PHACTR1: variants seen among roughly 807,000 people sequenced by gnomAD.
PHACTR1 encodes the protein phosphatase and actin regulator 1.
Under a neutral mutation model 69.2 loss-of-function variants are expected in PHACTR1, and 16 were observed. The ratio of observed to expected loss-of-function variants is 0.23; its 90% CI spans 0.16 to 0.35. The LOEUF (loss-of-function observed/expected upper bound fraction) is 0.35, where lower values mean the gene tolerates loss of function less well. PHACTR1 is among the 10% of genes least tolerant of loss of function. The pLI is 1.00. For missense variants in PHACTR1, 510 were observed against 734.7 expected, an observed-to-expected ratio of 0.69 and a Z score of 3.54; for synonymous variants, 312 against 284.5, an observed-to-expected ratio of 1.10 and a Z score of -0.97.
At chr6:12,839,430 A>G (rs1778476229) in intron 4 of PHACTR1, among the ~76,000 whole-genome samples, 1 of 152,040 alleles carries the variant, frequency 6.6e-6, no homozygotes. Context: ...CCTCCACCCC[A>G]CAGCGAGTCC....
At chr6:13,181,733 G>A (rs1294969075) in intron 6 of PHACTR1, among the ~76,000 whole-genome samples, 4 of 152,066 alleles carry the variant, frequency 2.6e-5, no homozygotes, top group Admixed American at 6.6e-5. Flanking sequence ...TGTCCTAATA[G>A]TTTATCCAAG....
intron 7 of PHACTR1, among the ~76,000 whole-genome samples, chr6:13,195,003 A>T (rs554481668): frequency 3.9e-5 from 6 of 152,082 alleles, no homozygotes; most frequent in Admixed American, 1.3e-4. Flanking sequence ...CAAAAATAAC[A>T]TTTTTTTCAT....
chr6:12,997,253 A>C (rs1221456608), intron 4 of PHACTR1, among the ~76,000 whole-genome samples: 1 of 148,058 alleles, frequency 6.8e-6, no homozygotes, highest in Non-Finnish European at 1.5e-5. Context: ...TTTATATATA[A>C]GTAAATATAT....
chr6:12,880,315 CT>C (rs557597154), intron 4 of PHACTR1, among the ~76,000 whole-genome samples: 2 of 150,562 alleles, frequency 1.3e-5, no homozygotes, highest in African/African-American at 4.9e-5. Flanking sequence ...CAGCCTTGAC[CT>C]TCCTGGCTCA....
At chr6:13,066,052 A>G (rs938217051) in intron 5 of PHACTR1, among the ~76,000 whole-genome samples, 5 of 152,148 alleles carry the variant, frequency 3.3e-5, no homozygotes, top group Admixed American at 3.3e-4. Context: ...TTAGAAAGCA[A>G]AGCAGACTTA....
rs1424722030 is a variant in PHACTR1, at chr6:13,283,785, TACAGGAGGAGGAGCAGCAGC to T, written c.1650+224_1650+243del. On this transcript the variant is annotated intron_variant, in intron 13 of 14. Transcript: ENST00000332995. The surrounding 1 kb of genome is among the most constrained non-coding windows in gnomAD (Gnocchi z 4.7). ...AAGGCACATAATACTGTGCCCATTTTACAGGAGGAGGAGCAGCAGCCTGGGAGGCTGTGCCCAGAGAAAGA... is the reference window on the plus strand; with the variant it reads ...AAGGCACATAATACTGTGCCCATTTTCTGGGAGGCTGTGCCCAGAGAAAGA... The T allele has an allele frequency of 6.0e-5, 36 of 599,314 alleles. No homozygotes were observed. The South Asian group carries it at 7.0e-4, about 12-fold the overall frequency. 37.1% of individuals were successfully genotyped at this position (599,314 alleles called of 1,614,324 possible). A position where few individuals can be genotyped will look rare whatever the true frequency, so the allele number is the denominator to read the frequency against.
chr6:13,046,112 G>A (rs1226867832), intron 4 of PHACTR1, among the ~76,000 whole-genome samples: 4 of 152,144 alleles, frequency 2.6e-5, no homozygotes, highest in Non-Finnish European at 5.9e-5. Context: ...GATGTAGTGG[G>A]GAAGACTGCC....
intron 4 of PHACTR1, among the ~76,000 whole-genome samples, chr6:12,755,229 A>G (rs2127602283): frequency 1.3e-5 from 2 of 152,300 alleles, no homozygotes; most frequent in East Asian, 3.9e-4. Flanking sequence ...ATTCTATAAA[A>G]TCCCACAGAG....
chr6:13,091,309 T>C (rs1813249186), intron 5 of PHACTR1, among the ~76,000 whole-genome samples: 1 of 152,152 alleles, frequency 6.6e-6, no homozygotes, highest in Non-Finnish European at 1.5e-5. Flanking sequence ...GGCACTGCAT[T>C]GTTAACTTCT....
At chr6:12,751,381 C>T (rs532108705) in intron 4 of PHACTR1, among the ~76,000 whole-genome samples, 5 of 152,270 alleles carry the variant, frequency 3.3e-5, no homozygotes, top group African/African-American at 9.6e-5. Flanking sequence ...TCAGATTCAG[C>T]GTATGGTTGT....
At chr6:13,172,023 T>C (rs1350076250) in intron 6 of PHACTR1, among the ~76,000 whole-genome samples, 2 of 152,130 alleles carry the variant, frequency 1.3e-5, no homozygotes, top group African/African-American at 4.8e-5. Flanking sequence ...CACCTTGGCC[T>C]CCCAAAATGC....
intron 4 of PHACTR1, among the ~76,000 whole-genome samples, chr6:12,818,306 C>T (rs746727952): frequency 2.0e-5 from 3 of 152,186 alleles, no homozygotes; most frequent in East Asian, 1.9e-4. Context: ...GCCTCACTCA[C>T]GTGTCTGGGG....
At chr6:12,765,419 C>G (rs1362537670) in intron 4 of PHACTR1, among the ~76,000 whole-genome samples, 3 of 152,168 alleles carry the variant, frequency 2.0e-5, no homozygotes, top group Non-Finnish European at 2.9e-5. Context: ...GAGGGCATGG[C>G]CTGTAATAGA....
intron 4 of PHACTR1, among the ~76,000 whole-genome samples, chr6:12,872,949 G>A (rs536399412): frequency 6.4e-5 from 9 of 141,096 alleles, no homozygotes; most frequent in Admixed American, 4.3e-4. Flanking sequence ...TTTCTTTCTC[G>A]TTCTCCTTCC....
chr6:12,737,697 C>T (rs1029501353), intron 3 of PHACTR1, among the ~76,000 whole-genome samples: 4 of 151,532 alleles, frequency 2.6e-5, no homozygotes, highest in South Asian at 2.1e-4. Context: ...TGGGCTCAAG[C>T]GATCCTCTTG....
chr6:12,905,509 G>A (rs1271640568), intron 4 of PHACTR1, among the ~76,000 whole-genome samples: 3 of 152,180 alleles, frequency 2.0e-5, no homozygotes, highest in African/African-American at 7.2e-5. Flanking sequence ...CAGAACTGAG[G>A]GTGACACGGT....
At chr6:12,845,439 C>CCCCG (rs1554149810) in intron 4 of PHACTR1, among the ~76,000 whole-genome samples, 5 of 73,246 alleles carry the variant, frequency 6.8e-5, no homozygotes, top group African/African-American at 2.0e-4. Flanking sequence ...ACCCCCCCCC[C>CCCCG]CCCCGCCCTC....
At chr6:12,963,396 G>T (rs1415460519) in intron 4 of PHACTR1, among the ~76,000 whole-genome samples, 1 of 151,530 alleles carries the variant, frequency 6.6e-6, no homozygotes, top group Non-Finnish European at 1.5e-5. Context: ...CATTCAAACA[G>T]GAAAATGCAA....
chr6:12,996,395 T>C (rs1205787509), intron 4 of PHACTR1, among the ~76,000 whole-genome samples: 2 of 152,146 alleles, frequency 1.3e-5, no homozygotes, highest in South Asian at 4.1e-4. Context: ...AGTTAACAGA[T>C]AATTTTAAAA....
Sources: gnomAD v4.1 joint callset for allele counts (sites outside exome capture counted in the v4.1 genomes callset) on GRCh38, gnomAD v4.1.1 for gene constraint, Gnocchi (gnomAD v3.1) non-coding constraint, MANE v1.5 for transcripts, NCBI Gene and HGNC (gene_info 2026-07-23, HGNC 2026-07-21) for gene names.